NLK: variants seen among roughly 807,000 people sequenced by gnomAD.
NLK encodes the protein nemo like kinase.
A neutral mutation model predicts 59.0 loss-of-function variants in NLK; 11 were observed. The observed-to-expected ratio is 0.19, with a 90% CI of 0.12 to 0.31. The LOEUF (loss-of-function observed/expected upper bound fraction) is 0.31, where lower values mean the gene tolerates loss of function less well. Among genes scored for constraint, NLK ranks in the 10% least tolerant of loss-of-function variants. The pLI is 1.00. For synonymous variants in NLK, 235 were observed against 235.9 expected, an observed-to-expected ratio of 1.00 and a Z score of 0.03; for missense variants, 410 against 661.1, an observed-to-expected ratio of 0.62 and a Z score of 4.16.
chr17:28,183,489 G>A (rs189475543), intron 7 of NLK, among the ~76,000 whole-genome samples: 3 of 152,150 alleles, frequency 2.0e-5, no homozygotes, highest in Non-Finnish European at 2.9e-5. Context: ...CCACCATGCC[G>A]GGCTAATTTT....
At chr17:28,140,521 T>C (rs1251685220) in intron 3 of NLK, among the ~76,000 whole-genome samples, 7 of 152,186 alleles carry the variant, frequency 4.6e-5, no homozygotes, top group Non-Finnish European at 1.0e-4. Flanking sequence ...AAGAACAGAA[T>C]GATGCTTGGC....
rs756335881 is a variant in NLK, at chr17:28,043,000, C to T, written c.127C>T (p.Leu43=). The T allele has an allele frequency of 6.4e-7, 1 of 1,557,118 alleles. No homozygotes were observed. Among genetic ancestry groups the T allele is most frequent in the Non-Finnish European group, 8.7e-7 (1 of 1,149,754 alleles). Residue 43 remains leucine (L), a synonymous_variant, in exon 1 of 11, where the codon CTG becomes TTG. Transcript: ENST00000407008. ...CCTTCCACACCTCCCTCCTCCTCAC[C>T]TGCACCACCACCACCACCCTCAACA... ...HHLPHLPPPH[L]HHHHHPQHHL...
intron 3 of NLK, among the ~76,000 whole-genome samples, chr17:28,135,267 T>C (rs930446480): frequency 6.6e-6 from 1 of 152,194 alleles, no homozygotes; most frequent in African/African-American, 2.4e-5. Context: ...AGTGATTCGC[T>C]AGAAGAACTC....
chr17:28,140,960 A>G (rs546116371), intron 3 of NLK, among the ~76,000 whole-genome samples: 1 of 152,328 alleles, frequency 6.6e-6, no homozygotes, highest in South Asian at 2.1e-4. Flanking sequence ...ATTTTTCCAC[A>G]AAATTTTAAT....
intron 1 of NLK, chr17:28,048,068 C>G (rs1237301339): frequency 2.5e-6 from 1 of 397,408 alleles, no homozygotes; most frequent in Non-Finnish European, 4.4e-6. Context: ...CTAGACATAA[C>G]AAAGCATCCG....
intron 1 of NLK, among the ~76,000 whole-genome samples, chr17:28,112,654 T>G (rs1905576922): frequency 6.6e-6 from 1 of 152,176 alleles, no homozygotes; most frequent in African/African-American, 2.4e-5. Flanking sequence ...CTGTTTTGTT[T>G]TGTTTTTGTA....
Position 28,183,056 on chromosome 17 carries a change from G to GT in NLK, c.1150-2122dup, listed in dbSNP as rs540241496. On this transcript the variant is annotated intron_variant, in intron 7 of 10. Coordinates refer to ENST00000407008, the MANE Select transcript of NLK (RefSeq NM_016231.5). ...GGGAACCCCTGAAGAAACAGAGGAT[G>GT]TAAAAAGGATTTAGAGAAGCTGGGC... Among the ~76,000 whole-genome samples, 203 of 152,304 alleles carry GT rather than the reference G, an allele frequency of 1.3e-3. 1 individual carries two copies. The highest frequency in any genetic ancestry group is 4.8e-3 in the African/African-American group (198 of 41,570).
At chr17:28,137,184 A>G (rs957866974) in intron 3 of NLK, among the ~76,000 whole-genome samples, 20 of 152,172 alleles carry the variant, frequency 1.3e-4, no homozygotes, top group African/African-American at 4.6e-4. Context: ...TATTGTGTCT[A>G]CAGATTTTAC....
rs188572032 is a variant in NLK, at chr17:28,043,167, A to C, written c.294A>C (p.Ala98=). Reference sequence around the variant, plus strand: ...AACAGCCATATTTCCCATCACCGGCACCGGGGCAGGCTCCTGGACCAGCTG... The same window carrying C: ...AACAGCCATATTTCCCATCACCGGCCCCGGGGCAGGCTCCTGGACCAGCTG... ...GQQQPYFPSP[A]PGQAPGPAAA... Residue 98 remains alanine, a synonymous_variant, in exon 1 of 11, where the codon GCA becomes GCC. Transcript: ENST00000407008. 523 of 1,613,766 alleles carry C rather than the reference A, an allele frequency of 3.2e-4. 2 individuals carry two copies. In the African/African-American group the frequency reaches 5.8e-3, roughly 18 times the overall value.
intron 2 of NLK, among the ~76,000 whole-genome samples, chr17:28,122,943 G>A (rs1906128972): frequency 6.6e-6 from 1 of 152,168 alleles, no homozygotes; most frequent in South Asian, 2.1e-4. Flanking sequence ...CTTATTGAAA[G>A]AGATGCACAC....
intron 1 of NLK, among the ~76,000 whole-genome samples, chr17:28,106,650 A>G (rs1403573047): frequency 6.6e-6 from 1 of 152,248 alleles, no homozygotes; most frequent in East Asian, 1.9e-4. Context: ...ACCATTTCGT[A>G]GTAAATACTT....
At position 28,043,117 on chromosome 17, in the gene NLK, G is replaced by A. The variant is rs1344988607; in HGVS notation, c.244G>A (p.Ala82Thr). Reference sequence around the variant, plus strand: ...GGCAGCCGCAGCAGCGGCTGCAGCTGCAGCCATGTTAAACCCTGGGCAACA... The same window carrying A: ...GGCAGCCGCAGCAGCGGCTGCAGCTACAGCCATGTTAAACCCTGGGCAACA... ...AAAAAAAAAA[A>T]AMLNPGQQQP... Residue 82 changes from alanine (A) to threonine (T), a missense_variant, in exon 1 of 11, where the codon GCA becomes ACA. By Grantham distance (58) the Ala-to-Thr change is moderately conservative (BLOSUM62 0). Around this residue, in one of 5 missense-constraint regions of NLK, gnomAD observed 160 missense variants for 171.0 expected, o/e 0.94. Transcript: ENST00000407008. The A allele has an allele frequency of 1.9e-6, 3 of 1,599,486 alleles. No homozygotes were observed. The highest frequency in any genetic ancestry group is 2.6e-6 in the Non-Finnish European group (3 of 1,173,180).
At chr17:28,137,794 A>C (rs553590730) in intron 3 of NLK, among the ~76,000 whole-genome samples, 1 of 152,170 alleles carries the variant, frequency 6.6e-6, no homozygotes, top group East Asian at 1.9e-4. Context: ...GTAAGTTTTT[A>C]TAAATCTGCC....
downstream of NLK, among the ~76,000 whole-genome samples, chr17:28,196,537 T>C (rs374256563): frequency 6.6e-6 from 1 of 152,242 alleles, no homozygotes; most frequent in Non-Finnish European, 1.5e-5. Flanking sequence ...TCAAAAACTT[T>C]AGATTGACAA....
chr17:28,060,278 A>G (rs1909586111), intron 1 of NLK, among the ~76,000 whole-genome samples: 1 of 152,164 alleles, frequency 6.6e-6, no homozygotes, highest in Admixed American at 6.5e-5. Context: ...TAAAGCAAGA[A>G]AAGAACATCA....
intron 1 of NLK, among the ~76,000 whole-genome samples, chr17:28,086,933 A>G (rs1910539163): frequency 6.6e-6 from 1 of 151,736 alleles, no homozygotes; most frequent in Non-Finnish European, 1.5e-5. Flanking sequence ...CTGTAGTCCC[A>G]GCTACTCTGG....
rs974082118 is a variant in NLK, at chr17:28,194,384, A to G, written c.1530-198A>G. ...TGGTTTTCAAGCCTACATATTAGCC[A>G]CTATACCAGATTGCCTCTCCATAGA... On this transcript the variant is annotated intron_variant, in intron 10 of 10. Coordinates refer to ENST00000407008, the MANE Select transcript of NLK (RefSeq NM_016231.5). Among the ~76,000 whole-genome samples the G allele has an allele frequency of 9.1e-4, 138 of 152,232 alleles. 2 individuals are homozygous for G. The highest frequency in any genetic ancestry group is 1.0e-4 in the Non-Finnish European group (7 of 68,040).
At chr17:28,185,699 C>T (rs1909090249) in intron 8 of NLK, among the ~76,000 whole-genome samples, 1 of 152,090 alleles carries the variant, frequency 6.6e-6, no homozygotes, top group Admixed American at 6.5e-5. Flanking sequence ...CAAGCATGCT[C>T]AGCTAATTTC....
intron 7 of NLK, among the ~76,000 whole-genome samples, chr17:28,176,862 A>G (rs1437386571): frequency 6.6e-6 from 1 of 152,190 alleles, no homozygotes; most frequent in Non-Finnish European, 1.5e-5. Flanking sequence ...TGAGACTTTT[A>G]AAAACACACA....
Sources: gnomAD v4.1 joint callset for allele counts (sites outside exome capture counted in the v4.1 genomes callset) on GRCh38, gnomAD v4.1.1 for gene constraint, gnomAD v4.1.1 regional missense constraint, MANE v1.5 for transcripts, NCBI Gene and HGNC (gene_info 2026-07-23, HGNC 2026-07-21) for gene names.